CC2D2B: variants seen among roughly 807,000 people sequenced by gnomAD.
CC2D2B encodes protein CC2D2B.
A neutral mutation model predicts 161.2 loss-of-function variants in CC2D2B; 128 were observed. The ratio of observed to expected loss-of-function variants is 0.79; its 90% CI spans 0.69 to 0.92. The LOEUF (loss-of-function observed/expected upper bound fraction) is 0.92, where lower values mean the gene tolerates loss of function less well. CC2D2B is among the 40% of genes least tolerant of loss of function. CC2D2B has a pLI of 0.00. For synonymous variants in CC2D2B, 391 were observed against 449.8 expected (o/e 0.87, Z 1.65); for missense variants, 1,173 against 1,375.1 (o/e 0.85, Z 2.32).
At chr10:96,025,172 T>TAAAAAAAAAAAAAAA (rs1564683838) in intron 33 of CC2D2B, among the ~76,000 whole-genome samples, 9 of 17,618 alleles carry the variant, frequency 5.1e-4, no homozygotes, top group African/African-American at 1.9e-3. Flanking sequence ...TATATATATA[T>TAAAAAAAAAAAAAAA]ATATATATAT....
intron 21 of CC2D2B, among the ~76,000 whole-genome samples, chr10:95,992,192 C>T (rs192893516): frequency 8.8e-4 from 134 of 152,262 alleles, no homozygotes; most frequent in African/African-American, 3.2e-3. Context: ...AATATTCGGG[C>T]ACTTTCAAGA....
intron 24 of CC2D2B, among the ~76,000 whole-genome samples, chr10:96,003,062 T>TA (rs2078579776): frequency 6.9e-6 from 1 of 145,250 alleles, no homozygotes; most frequent in Non-Finnish European, 1.5e-5. Context: ...ATAAACTAAA[T>TA]AAAAATATTA....
intron 6 of CC2D2B, among the ~76,000 whole-genome samples, chr10:95,934,722 T>C (rs371162259): frequency 2.6e-4 from 40 of 152,298 alleles, no homozygotes; most frequent in African/African-American, 9.4e-4. Context: ...CTGCACCCAC[T>C]GTCTAATCAG....
chr10:95,983,809 G>T lies in CC2D2B; in HGVS notation c.2286G>T (p.Gln762His). Residue 762 changes from glutamine (Q) to histidine (H), a missense_variant and splice_region_variant, in exon 19 of 35, where the codon CAG becomes CAT. Gln to His is a conservative substitution (Grantham distance 24, BLOSUM62 0). Coordinates refer to ENST00000646931, the MANE Select transcript of CC2D2B (RefSeq NM_001349008.3). ...HDTEIPDLVF[Q>H]EYESQKEKEV... is the part of the protein sequence containing the mutation. ...CAGAGATTCCAGATTTAGTCTTCCA[G>T]GTATTTGGTTTCTATTTGAATATGG... The T allele has an allele frequency of 8.2e-7, 1 of 1,214,006 alleles. No homozygotes were observed. Among genetic ancestry groups the T allele is most frequent in the Non-Finnish European group, 1.0e-6 (1 of 971,564 alleles). 75.2% of individuals were successfully genotyped at this position (1,214,006 alleles called of 1,614,324 possible).
chr10:95,927,196 A>C, intron 5 of CC2D2B, 41 bp from the exon 6 acceptor site: 1 of 1,142,672 alleles, frequency 8.8e-7, no homozygotes, highest in South Asian at 1.4e-5. Context: ...TTATAAGCAG[A>C]AAAAGTGTTT....
rs996963470 is a variant in CC2D2B at position 95,955,392 on chromosome 10, A to G, written c.1012-2A>G. 5.0e-6 allele frequency: 2 copies of G among 397,770 alleles called. No homozygotes were observed. Among genetic ancestry groups the G allele is most frequent in the African/African-American group, 2.1e-5 (1 of 48,528 alleles). 24.6% of individuals were successfully genotyped at this position (397,770 alleles called of 1,614,324 possible). A position where few individuals can be genotyped will look rare whatever the true frequency, so the allele number is the denominator to read the frequency against. On this transcript the variant is annotated splice_acceptor_variant, in intron 10 of 34. Coordinates refer to ENST00000646931, the MANE Select transcript of CC2D2B (RefSeq NM_001349008.3). LOFTEE classifies it high-confidence loss of function. The stretch of plus-strand genomic sequence containing the variant: ...CGAAGAGCTCTTTTTTTTTTGTTAT[A>G]GCTGAAAGCACTGACAGATGCTACC...
chr10:95,935,735 TC>T (rs879263553), intron 6 of CC2D2B, among the ~76,000 whole-genome samples: 2 of 152,142 alleles, frequency 1.3e-5, no homozygotes, highest in African/African-American at 2.4e-5. Context: ...GTAAGCTGTG[TC>T]CCCCGCTAAC....
rs2141643220 is a variant in CC2D2B at position 95,988,289 on chromosome 10, G to GA, written c.2327dup (p.Asp776GlufsTer11). 2 of 1,228,186 alleles carry GA rather than the reference G, an allele frequency of 1.6e-6. No individual in the cohort carries two copies. Among genetic ancestry groups the GA allele is most frequent in the South Asian group, 8.2e-5 (2 of 24,304 alleles). 76.1% of individuals were successfully genotyped at this position (1,228,186 alleles called of 1,614,324 possible). A position where few individuals can be genotyped will look rare whatever the true frequency, so the allele number is the denominator to read the frequency against. On this transcript the variant is annotated frameshift_variant, in exon 20 of 35. Coordinates refer to ENST00000646931, the MANE Select transcript of CC2D2B (RefSeq NM_001349008.3). LOFTEE classifies it high-confidence loss of function. The stretch of plus-strand genomic sequence containing the variant: ...GAAAGAGAAGGAGGTATCCGTTTCA[G>GA]ATGTAAATTCTATTACAGCACAAAG...
chr10:95,994,422 A>G (rs1447795405), intron 22 of CC2D2B, among the ~76,000 whole-genome samples: 1 of 152,214 alleles, frequency 6.6e-6, no homozygotes, highest in Admixed American at 6.5e-5. Context: ...GGAGTACGGG[A>G]GGAACATGAA....
chr10:95,924,950 A>G, intron 5 of CC2D2B, 106 bp downstream of exon 5: 1 of 652,978 alleles, frequency 1.5e-6, no homozygotes, highest in East Asian at 2.8e-5. Flanking sequence ...AATGATTTCT[A>G]GTTAATTTAC....
intron 11 of CC2D2B, among the ~76,000 whole-genome samples, chr10:95,956,355 A>C (rs147802044): frequency 2.0e-5 from 3 of 152,288 alleles, no homozygotes; most frequent in African/African-American, 7.2e-5. Context: ...AAAGCTTAAG[A>C]AAATAGAATT....
chr10:95,938,268 A>G, intron 7 of CC2D2B, 79 bp downstream of exon 7: 1 of 911,658 alleles, frequency 1.1e-6, no homozygotes, highest in Non-Finnish European at 1.7e-6. Context: ...TATGCTGGAT[A>G]AATAAAAAAT....
chr10:96,021,977 A>G (rs72823709), intron 32 of CC2D2B, among the ~76,000 whole-genome samples: 14 of 152,196 alleles, frequency 9.2e-5, no homozygotes, highest in African/African-American at 3.1e-4. Flanking sequence ...AAAAGAATGC[A>G]TGGTGGCTGT....
chr10:95,947,082 A>AAAAT (rs1467752343), intron 9 of CC2D2B, among the ~76,000 whole-genome samples: 10 of 39,502 alleles, frequency 2.5e-4, no homozygotes, highest in Non-Finnish European at 4.8e-4. Context: ...TGGACTCAAA[A>AAAAT]ATATATATAT....
At chr10:96,013,132 G>A (rs1294376121) in intron 28 of CC2D2B, among the ~76,000 whole-genome samples, 1 of 152,092 alleles carries the variant, frequency 6.6e-6, no homozygotes. Context: ...GGTCATAATG[G>A]CACATAAATG....
intron 33 of CC2D2B, among the ~76,000 whole-genome samples, chr10:96,025,218 T>G (rs2079708540): frequency 8.5e-6 from 1 of 118,054 alleles, no homozygotes; most frequent in Non-Finnish European, 1.7e-5. Flanking sequence ...TATATATATA[T>G]ATAGCTGGGC....
Position 95,940,403 on chromosome 10 carries a change from A to G in CC2D2B, c.801+1478A>G, listed in dbSNP as rs2075980785. On this transcript the variant is annotated intron_variant, in intron 9 of 34. Transcript: ENST00000646931. Reference sequence around the variant, plus strand: ...GGGATATTCTTAATTTTAATGTAGTATAATTTACCATTTTCTTTTTCTTTA... The same window carrying G: ...GGGATATTCTTAATTTTAATGTAGTGTAATTTACCATTTTCTTTTTCTTTA... Among the ~76,000 whole-genome samples, 3 of 152,312 alleles carry G rather than the reference A, an allele frequency of 2.0e-5. No homozygotes were observed. In the Middle Eastern group the frequency reaches 0.01, roughly 518 times the overall value.
intron 11 of CC2D2B, among the ~76,000 whole-genome samples, chr10:95,956,952 G>T (rs1262401769): frequency 2.0e-5 from 3 of 152,072 alleles, no homozygotes; most frequent in Non-Finnish European, 4.4e-5. Context: ...TATAGATGCA[G>T]AACTCATGGA....
At chr10:95,957,032 T>A (rs895773353) in intron 11 of CC2D2B, among the ~76,000 whole-genome samples, 6 of 152,066 alleles carry the variant, frequency 3.9e-5, no homozygotes, top group Non-Finnish European at 8.8e-5. Flanking sequence ...AAGGCTTGGG[T>A]GGTAAATTGG....
Sources: gnomAD v4.1 joint callset for allele counts (sites outside exome capture counted in the v4.1 genomes callset) on GRCh38, gnomAD v4.1.1 for gene constraint, MANE v1.5 for transcripts, NCBI Gene and HGNC (gene_info 2026-07-23, HGNC 2026-07-21) for gene names.